DOCK5: variants seen among roughly 807,000 people sequenced by gnomAD.
DOCK5 encodes the protein dedicator of cytokinesis protein 5.
In DOCK5, 142 loss-of-function variants were observed where a neutral mutation model predicts 251.8. That is an observed-to-expected ratio of 0.56 (90% CI 0.49 to 0.65). The LOEUF (loss-of-function observed/expected upper bound fraction) is 0.65, where lower values mean the gene tolerates loss of function less well. Ranked by LOEUF, DOCK5 falls within the 30% of genes least tolerant of loss-of-function variation. The pLI is 0.00. For missense variants in DOCK5, 2,111 were observed against 2,312.3 expected, an observed-to-expected ratio of 0.91 and a Z score of 1.79; for synonymous variants, 842 against 835.5, an observed-to-expected ratio of 1.01 and a Z score of -0.13.
rs549796333 is a variant in DOCK5 at position 25,254,633 on chromosome 8, G to T, written c.127+10876G>T. Among the ~76,000 whole-genome samples the T allele has an allele frequency of 4.6e-5, 7 of 151,780 alleles. No individual in the cohort carries two copies. The South Asian group carries it at 1.3e-3, about 27-fold the overall frequency. On this transcript the variant is annotated intron_variant, in intron 2 of 51. Coordinates refer to ENST00000276440, the MANE Select transcript of DOCK5 (RefSeq NM_024940.8). ...TACTAAAAATGCTAAAAATTAGCCG[G>T]GCGTGGTGGTGGCCAGCTGTAATCC...
chr8:25,229,449 C>G, intron 1 of DOCK5, among the ~76,000 whole-genome samples: 1 of 151,862 alleles, frequency 6.6e-6, no homozygotes. Flanking sequence ...CTACTGCACT[C>G]CAGCCTGGGC....
rs931954670 is a variant in DOCK5 at position 25,377,246 on chromosome 8, G to C, written c.3817-59G>C. ...TCAAATATATATACAATATTTTCTTGATGTTGGGGGGCTGAATATTTGTTG... is the reference window on the plus strand; with the variant it reads ...TCAAATATATATACAATATTTTCTTCATGTTGGGGGGCTGAATATTTGTTG... On this transcript the variant is annotated intron_variant, in intron 37 of 51. Coordinates refer to ENST00000276440, the MANE Select transcript of DOCK5 (RefSeq NM_024940.8). The C allele has an allele frequency of 2.6e-6, 4 of 1,538,160 alleles. No homozygotes were observed. The Admixed American group carries it at 6.7e-5, about 26-fold the overall frequency.
intron 3 of DOCK5, among the ~76,000 whole-genome samples, chr8:25,271,954 C>T (rs1294572225): frequency 6.6e-6 from 1 of 152,212 alleles, no homozygotes; most frequent in Non-Finnish European, 1.5e-5. Flanking sequence ...CAAATACACA[C>T]ATACTATGTA....
chr8:25,341,712 A>G, intron 23 of DOCK5, 27 bp from the exon 24 acceptor site: 1 of 1,554,878 alleles, frequency 6.4e-7, no homozygotes, highest in Non-Finnish European at 8.7e-7. Flanking sequence ...CTGGCAACTG[A>G]ATTTGCCTTT....
At position 25,317,139 on chromosome 8, in the gene DOCK5, G is replaced by A. The variant is rs773049199; in HGVS notation, c.1443+8G>A. On this transcript the variant is annotated splice_region_variant and intron_variant, in intron 14 of 51. Coordinates refer to ENST00000276440, the MANE Select transcript of DOCK5 (RefSeq NM_024940.8). ...GAGGGCAAGCTCTTGGAGGTGCGCG[G>A]CATGGCCCAGAAATCCTGCTACCAT... 7 of 1,611,476 alleles carry A rather than the reference G, an allele frequency of 4.3e-6. No homozygotes were observed. The Admixed American group carries it at 1.2e-4, about 27-fold the overall frequency.
rs960284350 is a variant in DOCK5, at chr8:25,389,367, C to T, written c.4273+135C>T. On this transcript the variant is annotated intron_variant, in intron 41 of 51. Transcript: ENST00000276440. ...TCTCAAGCATTCTGACACAGGTTCC[C>T]ATTCCATGTAAAATCTTTGGGACCC... 4.2e-6 allele frequency: 5 copies of T among 1,197,348 alleles called. No individual in the cohort carries two copies. In the Admixed American group the frequency reaches 1.0e-4, roughly 25 times the overall value. 74.2% of individuals were successfully genotyped at this position (1,197,348 alleles called of 1,614,324 possible). A position where few individuals can be genotyped will look rare whatever the true frequency, so the allele number is the denominator to read the frequency against.
chr8:25,278,357 T>G (rs1435869498), intron 4 of DOCK5, among the ~76,000 whole-genome samples: 2 of 152,198 alleles, frequency 1.3e-5, no homozygotes, highest in Non-Finnish European at 2.9e-5. Context: ...CTCATTCAGT[T>G]GCAGGAACGG....
chr8:25,359,277 A>G (rs1563215109), intron 28 of DOCK5, among the ~76,000 whole-genome samples: 1 of 152,244 alleles, frequency 6.6e-6, no homozygotes, highest in Admixed American at 6.5e-5. Context: ...CCAAGAGGTT[A>G]TCACACACTT....
intron 5 of DOCK5, among the ~76,000 whole-genome samples, chr8:25,281,737 C>T (rs181446360): frequency 1.2e-3 from 176 of 150,844 alleles, no homozygotes; most frequent in African/African-American, 3.7e-3. Flanking sequence ...AAATTAGCTG[C>T]GCATGGTTGT....
intron 44 of DOCK5, among the ~76,000 whole-genome samples, chr8:25,394,576 C>T (rs746191767): frequency 1.3e-5 from 2 of 152,090 alleles, no homozygotes; most frequent in Non-Finnish European, 2.9e-5. Flanking sequence ...AAGCATCAAA[C>T]GTTTTGCCAG....
intron 40 of DOCK5, among the ~76,000 whole-genome samples, chr8:25,386,749 A>C (rs1307219912): frequency 6.6e-6 from 1 of 152,220 alleles, no homozygotes; most frequent in Non-Finnish European, 1.5e-5. Flanking sequence ...AAATGTGACC[A>C]CAGAGACAGC....
In DOCK5 at chr8:25,325,540, C is replaced by G; in HGVS notation, c.1896C>G (p.Thr632=). The G allele has an allele frequency of 6.2e-7, 1 of 1,613,386 alleles. No individual in the cohort carries two copies. The highest frequency in any genetic ancestry group is 8.5e-7 in the Non-Finnish European group (1 of 1,179,546). ...IATLICSTKL[T]QNVDLLGLLN... ...CCCTCATCTGCTCCACAAAGCTCAC[C>G]CAGAATGGTAGGAGTGGTGAATACA... Residue 632 remains threonine (T), a synonymous_variant, in exon 18 of 52, where the codon ACC becomes ACG. Transcript: ENST00000276440.
Position 25,210,031 on chromosome 8 carries a change from T to A in DOCK5, c.43+25080T>A, listed in dbSNP as rs1209365098. The stretch of plus-strand genomic sequence containing the variant: ...AATTATATATATATATATATATATA[T>A]ATAAATGTGTGTGTGTGTGTGTGTG... On this transcript the variant is annotated intron_variant, in intron 1 of 51. Coordinates refer to ENST00000276440, the MANE Select transcript of DOCK5 (RefSeq NM_024940.8). 3.2e-4 allele frequency among the ~76,000 whole-genome samples: 7 copies of A among 21,564 alleles called. 3 individuals are homozygous for A. Among genetic ancestry groups the A allele is most frequent in the Admixed American group, 8.8e-4 (2 of 2,278 alleles). The allele number at this position is 21,564 out of a possible 152,430, so 14.1% of individuals were successfully genotyped here.
chr8:25,229,415 A>G (rs1393536197), intron 1 of DOCK5, among the ~76,000 whole-genome samples: 1 of 152,002 alleles, frequency 6.6e-6, no homozygotes, highest in Non-Finnish European at 1.5e-5. Flanking sequence ...CGGGAGGCAG[A>G]GGTTGCGGTG....
At position 25,368,181 on chromosome 8, in the gene DOCK5, CT is replaced by C; in HGVS notation, c.3225-9del. The C allele has an allele frequency of 6.2e-7, 1 of 1,607,884 alleles. No homozygotes were observed. Among genetic ancestry groups the C allele is most frequent in the Non-Finnish European group, 8.5e-7 (1 of 1,175,846 alleles). On this transcript the variant is annotated splice_polypyrimidine_tract_variant and intron_variant, in intron 31 of 51. Coordinates refer to ENST00000276440, the MANE Select transcript of DOCK5 (RefSeq NM_024940.8). ...GAAAATCCTCCTTCTAGTTTATGAT[CT>C]TCTTCCTAGATATGGGGACATGAGA...
intron 16 of DOCK5, among the ~76,000 whole-genome samples, chr8:25,321,583 T>C (rs1805426735): frequency 6.6e-6 from 1 of 152,164 alleles, no homozygotes; most frequent in African/African-American, 2.4e-5. Flanking sequence ...CAGGTCACAA[T>C]AGGGTTCGGC....
intron 1 of DOCK5, among the ~76,000 whole-genome samples, chr8:25,226,852 T>G (rs1802547231): frequency 1.3e-5 from 2 of 152,348 alleles, no homozygotes; most frequent in African/African-American, 4.8e-5. Context: ...CCCAAAGTGC[T>G]GGGATTACAG....
intron 26 of DOCK5, among the ~76,000 whole-genome samples, chr8:25,351,202 TGCCC>T (rs964112432): frequency 2.6e-5 from 4 of 152,026 alleles, no homozygotes; most frequent in Non-Finnish European, 5.9e-5. Context: ...GGACTACAGA[TGCCC>T]GCCACCACGC....
chr8:25,188,915 T>G (rs1240321397), intron 1 of DOCK5, among the ~76,000 whole-genome samples: 4 of 152,142 alleles, frequency 2.6e-5, no homozygotes, highest in South Asian at 2.1e-4. Context: ...ATATCCAGAA[T>G]AGTCTGATTA....
Sources: gnomAD v4.1 joint callset for allele counts (sites outside exome capture counted in the v4.1 genomes callset) on GRCh38, gnomAD v4.1.1 for gene constraint, MANE v1.5 for transcripts, NCBI Gene and HGNC (gene_info 2026-07-23, HGNC 2026-07-21) for gene names.